The following UGT1A3 variants were observed in gnomAD, a reference collection of about 807,000 sequenced individuals.
UGT1A3 encodes UDP glucuronosyltransferase family 1 member A3.
A neutral mutation model predicts 41.0 loss-of-function variants in UGT1A3; 31 were observed. The observed-to-expected ratio is 0.76, with a 90% CI of 0.57 to 1.02. The LOEUF is 1.02. UGT1A3 is among the 50% of genes least tolerant of loss of function. The pLI is 0.00. For missense variants in UGT1A3, 737 were observed against 671.0 expected (o/e 1.10, Z -1.09); for synonymous variants, 262 against 257.6 (o/e 1.02, Z -0.17).
In UGT1A3 at chr2:233,760,159, C is replaced by A. The variant is rs35071471; in HGVS notation, c.868-6875C>A. The A allele has an allele frequency of 1.9e-5, 29 of 1,504,618 alleles. No individual in the cohort carries two copies. In the East Asian group the frequency reaches 7.0e-4, roughly 36 times the overall value. 93.2% of individuals were successfully genotyped at this position (1,504,618 alleles called of 1,614,324 possible). A position where few individuals can be genotyped will look rare whatever the true frequency, so the allele number is the denominator to read the frequency against. On this transcript the variant is annotated intron_variant, in intron 1 of 4. Coordinates refer to ENST00000482026, the MANE Select transcript of UGT1A3 (RefSeq NM_019093.4). ...TCTCTGAAAGTGAACTCCCTGCTAC[C>A]TTTGTGGACTGACAGCTTTTTATAG...
intron 1 of UGT1A3, among the ~76,000 whole-genome samples, chr2:233,757,535 A>AATATATATACATAT (rs376887521): frequency 1.4e-4 from 12 of 88,292 alleles, no homozygotes; most frequent in Admixed American, 3.3e-4. Context: ...GCCTGTAAGG[A>AATATATATACATAT]ATATATATAT....
At position 233,731,325 on chromosome 2, in the gene UGT1A3, G is replaced by A. The variant is rs28898622; in HGVS notation, c.867+1332G>A. Among the ~76,000 whole-genome samples, 886 of 147,182 alleles carry A rather than the reference G, an allele frequency of 6.0e-3. 61 individuals carry two copies. In the East Asian group the frequency reaches 0.15, roughly 25 times the overall value. On this transcript the variant is annotated intron_variant, in intron 1 of 4. Transcript: ENST00000482026. The stretch of plus-strand genomic sequence containing the variant: ...TTATACTTTAAGTTCTAGGGTACAT[G>A]TGCACAAATTGCAGGTTTGATACAT...
intron 4 of UGT1A3, 92 bp downstream of exon 4, chr2:233,768,531 G>T: frequency 5.4e-6 from 8 of 1,481,574 alleles, no homozygotes; most frequent in South Asian, 4.1e-5. Context: ...ATTTAATAGC[G>T]TTGTTTCAAA....
rs1699804309 is a variant in UGT1A3, at chr2:233,769,169, A to G, written c.1307+730A>G. Among the ~76,000 whole-genome samples, 1 of 152,236 alleles carries G rather than the reference A, an allele frequency of 6.6e-6. No individual in the cohort carries two copies. The highest frequency in any genetic ancestry group is 2.1e-4 in the South Asian group (1 of 4,828). On this transcript the variant is annotated intron_variant, in intron 4 of 4. Coordinates refer to ENST00000482026, the MANE Select transcript of UGT1A3 (RefSeq NM_019093.4). The surrounding 1 kb of genome is among the most constrained non-coding windows in gnomAD (Gnocchi z 4.4). ...CTGGAACCTGTGAGAAATTTTGTCC[A>G]TGGAGTTTATGAATGAAGGAGCTAT...
At chr2:233,734,165 TG>T (rs2078494496) in intron 1 of UGT1A3, among the ~76,000 whole-genome samples, 1 of 152,186 alleles carries the variant, frequency 6.6e-6, no homozygotes, top group African/African-American at 2.4e-5. Context: ...GGACTTTTTT[TG>T]GTTGGTAGGC....
At chr2:233,757,125 G>T (rs1455211055) in intron 1 of UGT1A3, among the ~76,000 whole-genome samples, 1 of 151,320 alleles carries the variant, frequency 6.6e-6, no homozygotes, top group Admixed American at 6.6e-5. Context: ...CTAGAGAGGA[G>T]GAATGAGCTT....
chr2:233,736,596 G>A lies in UGT1A3; in HGVS notation c.867+6603G>A, dbSNP rs539240501. Among the ~76,000 whole-genome samples, 13 of 152,274 alleles carry A rather than the reference G, an allele frequency of 8.5e-5. No individual in the cohort carries two copies. The East Asian group carries it at 9.6e-4, about 11-fold the overall frequency. ...TCCTTTGGAGGAGATGTGCTTATGC[G>A]CTATGGTTTTTAGAATTTTCAGCTT... On this transcript the variant is annotated intron_variant, in intron 1 of 4. Transcript: ENST00000482026.
At chr2:233,764,706 G>C (rs1698626413) in intron 1 of UGT1A3, among the ~76,000 whole-genome samples, 1 of 152,180 alleles carries the variant, frequency 6.6e-6, no homozygotes, top group Non-Finnish European at 1.5e-5. Context: ...AATGAGCTGT[G>C]TCTCCCCAAG....
intron 3 of UGT1A3, 63 bp downstream of exon 3, chr2:233,767,999 A>G: frequency 6.2e-7 from 1 of 1,614,190 alleles, no homozygotes; most frequent in Non-Finnish European, 8.5e-7. Context: ...TGGCTTAAGC[A>G]CAGCTATTCT....
intron 1 of UGT1A3, chr2:233,754,982 G>T (rs777457239): frequency 2.3e-5 from 30 of 1,295,872 alleles, no homozygotes; most frequent in Middle Eastern, 2.1e-4. Flanking sequence ...AGACCTCGGC[G>T]GGGTCACGGA....
At position 233,772,561 on chromosome 2, in the gene UGT1A3, A is replaced by C. The variant is rs1287050195; in HGVS notation, c.*2A>C. On this transcript the variant is annotated 3_prime_UTR_variant, in exon 5 of 5. Transcript: ENST00000482026. ...GCCCACAAATCCAAGACCCATTGAG[A>C]AGTGGGTGGGAAATAAGGTAAAATT... The C allele has an allele frequency of 1.2e-6, 2 of 1,613,586 alleles. No individual in the cohort carries two copies. Among genetic ancestry groups the C allele is most frequent in the Non-Finnish European group, 1.7e-6 (2 of 1,179,766 alleles).
rs575244143 is a variant in UGT1A3, at chr2:233,730,709, C to T, written c.867+716C>T. Among the ~76,000 whole-genome samples, 89 of 152,156 alleles carry T rather than the reference C, an allele frequency of 5.8e-4. 1 individual carries two copies. The highest frequency in any genetic ancestry group is 6.8e-3 in the Middle Eastern group (2 of 294). ...TCAAATGATTCTTCTACTTGGAATG[C>T]TGAAATTATCAAGAAATGGCGGAAG... On this transcript the variant is annotated intron_variant, in intron 1 of 4. Coordinates refer to ENST00000482026, the MANE Select transcript of UGT1A3 (RefSeq NM_019093.4).
chr2:233,747,429 A>G, intron 1 of UGT1A3: 8 of 1,608,684 alleles, frequency 5.0e-6, no homozygotes, highest in Non-Finnish European at 6.8e-6. Context: ...CAAACAAGAG[A>G]AATTTTTCAC....
intron 1 of UGT1A3, chr2:233,755,013 G>T: frequency 3.1e-6 from 4 of 1,294,530 alleles, no homozygotes; most frequent in Non-Finnish European, 4.2e-6. Flanking sequence ...CTACTCGAAG[G>T]GGTCCTTGAA....
intron 2 of UGT1A3, 81 bp from the exon 3 acceptor site, chr2:233,767,768 G>T: frequency 6.2e-7 from 1 of 1,610,138 alleles, no homozygotes. Context: ...GAGGACCCCT[G>T]TTTTCTAGTT....
rs760289864 is a variant in UGT1A3 at position 233,772,449 on chromosome 2, G to A, written c.1495G>A (p.Val499Ile). 8 of 1,614,068 alleles carry A rather than the reference G, an allele frequency of 5.0e-6. No homozygotes were observed. Among genetic ancestry groups the A allele is most frequent in the Middle Eastern group, 1.6e-4 (1 of 6,084 alleles). Residue 499 changes from valine (V) to isoleucine (I), a missense_variant, in exon 5 of 5, where the codon GTC becomes ATC. Physicochemically the swap from Val to Ile is conservative, Grantham distance 29 (BLOSUM62 3). Transcript: ENST00000482026. ...GGACGTGATTGGTTTCCTCTTGGCCGTCGTGCTGACAGTGGCCTTCATCAC... is the reference window on the plus strand; with the variant it reads ...GGACGTGATTGGTTTCCTCTTGGCCATCGTGCTGACAGTGGCCTTCATCAC... ...SLDVIGFLLA[V>I]VLTVAFITFK...
At chr2:233,734,262 T>A (rs1260850291) in intron 1 of UGT1A3, among the ~76,000 whole-genome samples, 1 of 152,214 alleles carries the variant, frequency 6.6e-6, no homozygotes, top group Admixed American at 6.5e-5. Flanking sequence ...GGAGGGTGTA[T>A]GTGTCCAGGA....
At chr2:233,754,155 A>T (rs1695407663) in intron 1 of UGT1A3, 1 of 153,430 alleles carries the variant, frequency 6.5e-6, no homozygotes, top group Admixed American at 6.4e-5. Flanking sequence ...AAATTAAGCC[A>T]GAGTATTAAT....
chr2:233,749,081 G>T (rs958459779), intron 1 of UGT1A3, among the ~76,000 whole-genome samples: 3 of 151,758 alleles, frequency 2.0e-5, no homozygotes, highest in African/African-American at 7.3e-5. Context: ...TCCTTGGTGT[G>T]CCATGTATTT....
Sources: allele counts gnomAD v4.1 joint callset (sites outside exome capture counted in the v4.1 genomes callset), GRCh38; gene constraint gnomAD v4.1.1; non-coding constraint Gnocchi (gnomAD v3.1); transcripts MANE v1.5; gene names NCBI Gene and HGNC (gene_info 2026-07-23, HGNC 2026-07-21).